TXNRD2: variants seen among roughly 807,000 people sequenced by gnomAD.
TXNRD2 encodes the protein thioredoxin reductase 2, also known as thioredoxin reductase 2, mitochondrial.
A neutral mutation model predicts 70.8 loss-of-function variants in TXNRD2; 67 were observed. The observed-to-expected ratio is 0.95, with a 90% CI of 0.78 to 1.16. The LOEUF is 1.16. TXNRD2 is among the 50% of genes most tolerant of loss of function. The pLI, the probability that TXNRD2 is intolerant of heterozygous loss-of-function variation, is 0.00. For missense variants in TXNRD2, 644 were observed against 719.9 expected, an observed-to-expected ratio of 0.89 and a Z score of 1.21; for synonymous variants, 301 against 295.8, an observed-to-expected ratio of 1.02 and a Z score of -0.18.
intron 17 of TXNRD2, 43 bp downstream of exon 17, chr22:19,876,997 C>T: frequency 1.4e-6 from 2 of 1,389,724 alleles, no homozygotes; most frequent in South Asian, 1.5e-5. Flanking sequence ...TGCACCCCTG[C>T]CACATGCCCT....
At chr22:19,919,468 G>A (rs1211261139) in intron 3 of TXNRD2, 75 bp downstream of exon 3, 13 of 1,385,464 alleles carry the variant, frequency 9.4e-6, no homozygotes, top group African/African-American at 2.9e-5. Flanking sequence ...GGTGTCAGCT[G>A]CCCTCTGTAC....
At chr22:19,883,627 C>T in intron 11 of TXNRD2, 166 bp from the exon 12 acceptor site, 1 of 934,518 alleles carries the variant, frequency 1.1e-6, no homozygotes, top group Non-Finnish European at 1.7e-6. Context: ...CACCTGAGGT[C>T]ATGAGTTCGA....
At chr22:19,912,339 G>A (rs763162869) in intron 7 of TXNRD2, among the ~76,000 whole-genome samples, 2 of 152,236 alleles carry the variant, frequency 1.3e-5, no homozygotes, top group Non-Finnish European at 2.9e-5. Flanking sequence ...GCAAGCCTTG[G>A]CAGACACCCT....
chr22:19,895,529 A>G lies in TXNRD2; in HGVS notation c.827T>C (p.Leu276Pro). 6.2e-7 allele frequency: 1 copy of G among 1,613,686 alleles called. No individual in the cohort carries two copies. Among genetic ancestry groups the G allele is most frequent in the Non-Finnish European group, 8.5e-7 (1 of 1,180,030 alleles). ...GACCCGCGAGGGGGCACAGCCCCTC[A>G]GGAACCGGGTGCCATGAGATGCCAT... ...EHMASHGTRF[L>P]RGCAPSRVRR... The change falls in exon 11 of 18, where the codon CTG becomes CCG. Residue 276 changes from leucine (L) to proline (P), a missense_variant. Transcript: ENST00000400521.
At chr22:19,911,907 C>G (rs1337896448) in intron 7 of TXNRD2, among the ~76,000 whole-genome samples, 1 of 152,146 alleles carries the variant, frequency 6.6e-6, no homozygotes, top group Non-Finnish European at 1.5e-5. Flanking sequence ...GGGGAGAGAA[C>G]AGGTCAGCAA....
Position 19,941,688 on chromosome 22 carries a change from G to C in TXNRD2, c.103+13C>G. 2 of 1,477,300 alleles carry C rather than the reference G, an allele frequency of 1.4e-6. No homozygotes were observed. The highest frequency in any genetic ancestry group is 2.4e-4 in the Middle Eastern group (1 of 4,176). 91.5% of individuals were successfully genotyped at this position (1,477,300 alleles called of 1,614,324 possible). ...CGGACACCTACCGCGGGGACGCCCC[G>C]ACCCCATCCTACCTGCTGCGCCCCG... is the stretch of plus-strand genomic sequence containing the variant. On this transcript the variant is annotated intron_variant, in intron 1 of 17. Coordinates refer to ENST00000400521, the MANE Select transcript of TXNRD2 (RefSeq NM_006440.5).
intron 8 of TXNRD2, among the ~76,000 whole-genome samples, chr22:19,903,182 G>C (rs1939855016): frequency 6.6e-6 from 1 of 152,228 alleles, no homozygotes. Flanking sequence ...CTGCAGGAGA[G>C]GCTGGCCCCA....
At chr22:19,930,883 G>T in intron 2 of TXNRD2, 147 bp downstream of exon 2, 1 of 734,056 alleles carries the variant, frequency 1.4e-6, no homozygotes. Context: ...GAGAGTGGCA[G>T]GGAACAAGCC....
Position 19,898,073 on chromosome 22 carries a change from A to T in TXNRD2, c.740T>A (p.Met247Lys). 3 of 1,564,992 alleles carry T rather than the reference A, an allele frequency of 1.9e-6. No individual in the cohort carries two copies. The highest frequency in any genetic ancestry group is 2.6e-6 in the Non-Finnish European group (3 of 1,155,220). The change falls in exon 10 of 18, where the codon ATG becomes AAG. Residue 247 changes from methionine to lysine, a missense_variant. Around this residue, in one of 3 missense-constraint regions of TXNRD2, gnomAD observed 566 missense variants for 645.0 expected, o/e 0.88. Coordinates refer to ENST00000400521, the MANE Select transcript of TXNRD2 (RefSeq NM_006440.5). ...GCCGCGGAGGGGGATGCTGCGCATCATGATGGTGGTGTCCAGCCCAATCCC... is the reference window on the plus strand; with the variant it reads ...GCCGCGGAGGGGGATGCTGCGCATCTTGATGGTGGTGTCCAGCCCAATCCC... ...LTGIGLDTTI[M>K]MRSIPLRGFD...
chr22:19,925,023 G>A (rs1394088214), intron 2 of TXNRD2, among the ~76,000 whole-genome samples: 18 of 150,854 alleles, frequency 1.2e-4, no homozygotes, highest in Non-Finnish European at 1.8e-4. Context: ...GGTGGCTCAC[G>A]CCTGTAATCC....
chr22:19,925,109 C>A (rs897341814), intron 2 of TXNRD2, among the ~76,000 whole-genome samples: 10 of 151,344 alleles, frequency 6.6e-5, no homozygotes, highest in African/African-American at 2.4e-5. Flanking sequence ...ACGGCGAAGC[C>A]CCGTTTCTAC....
chr22:19,892,803 GA>G (rs1939326214), intron 11 of TXNRD2, among the ~76,000 whole-genome samples: 1 of 152,168 alleles, frequency 6.6e-6, no homozygotes, highest in African/African-American at 2.4e-5. Context: ...ACAGTAGGAG[GA>G]TAAATTTTGA....
chr22:19,893,379 C>A (rs754555767), intron 11 of TXNRD2, among the ~76,000 whole-genome samples: 1 of 152,222 alleles, frequency 6.6e-6, no homozygotes, highest in Non-Finnish European at 1.5e-5. Flanking sequence ...AAACTAGGAG[C>A]CTAAACTAGA....
chr22:19,929,613 G>A (rs1304322243), intron 2 of TXNRD2, among the ~76,000 whole-genome samples: 2 of 152,278 alleles, frequency 1.3e-5, no homozygotes, highest in South Asian at 2.1e-4. Context: ...ACAGCCCAAC[G>A]GAGAGGCCTC....
intron 1 of TXNRD2, among the ~76,000 whole-genome samples, chr22:19,935,744 C>T (rs987967208): frequency 5.3e-5 from 8 of 152,170 alleles, no homozygotes; most frequent in African/African-American, 1.4e-4. Flanking sequence ...AAAGAACGTA[C>T]GTTGAAATAT....
In TXNRD2 at chr22:19,880,275, A is replaced by G. The variant is rs776316388; in HGVS notation, c.1183-4T>C. On this transcript the variant is annotated splice_region_variant and splice_polypyrimidine_tract_variant and intron_variant, in intron 13 of 17. Coordinates refer to ENST00000400521, the MANE Select transcript of TXNRD2 (RefSeq NM_006440.5). Reference sequence around the variant, plus strand: ...GGGTGAAGACGGTCGTGGGAACCTGAAAGCAGGTCTGGAGTCAGGGAGGGC... The same window carrying G: ...GGGTGAAGACGGTCGTGGGAACCTGGAAGCAGGTCTGGAGTCAGGGAGGGC... 2 of 1,613,410 alleles carry G rather than the reference A, an allele frequency of 1.2e-6. No homozygotes were observed. Among genetic ancestry groups the G allele is most frequent in the Admixed American group, 3.3e-5 (2 of 60,024 alleles).
chr22:19,879,628 G>A (rs2145930357), intron 14 of TXNRD2, among the ~76,000 whole-genome samples: 1 of 150,166 alleles, frequency 6.7e-6, no homozygotes, highest in East Asian at 2.0e-4. Flanking sequence ...TGGGGGGGGT[G>A]GGGGTGGAAG....
In TXNRD2 at chr22:19,915,242, G is replaced by A. The variant is rs1197206019; in HGVS notation, c.563C>T (p.Thr188Ile). Residue 188 changes from threonine (T) to isoleucine (I), a missense_variant, in exon 7 of 18, where the codon ACT (threonine) becomes ATT (isoleucine). Thr to Ile is a moderately conservative substitution (Grantham distance 89). Coordinates refer to ENST00000400521, the MANE Select transcript of TXNRD2 (RefSeq NM_006440.5). ...CGTGGGGTATCTCGGCCGCCCTCCA[G>A]TAGCAATGATGATGTGATCGGCTGA... ...LLSADHIIIATGGRPRYPTHI... is the reference protein window; with the variant it reads ...LLSADHIIIAIGGRPRYPTHI... 6.2e-7 allele frequency: 1 copy of A among 1,613,964 alleles called. No homozygotes were observed. Among genetic ancestry groups the A allele is most frequent in the South Asian group, 1.1e-5 (1 of 90,988 alleles).
At chr22:19,941,492 A>G in intron 1 of TXNRD2, 1 of 831,214 alleles carries the variant, frequency 1.2e-6, no homozygotes, top group Non-Finnish European at 1.7e-6. Context: ...CAAGGCACCC[A>G]GCCCCAGTTT....
Sources: gnomAD v4.1 joint callset for allele counts (sites outside exome capture counted in the v4.1 genomes callset) on GRCh38, gnomAD v4.1.1 for gene constraint, gnomAD v4.1.1 regional missense constraint, MANE v1.5 for transcripts, NCBI Gene and HGNC (gene_info 2026-07-23, HGNC 2026-07-21) for gene names.